Variants in CDH18 observed in about 807,000 individuals in gnomAD.
CDH18 encodes the protein cadherin-18.
Under a neutral mutation model 67.9 loss-of-function variants are expected in CDH18, and 31 were observed. The observed-to-expected ratio is 0.46, with a 90% CI of 0.34 to 0.62. The LOEUF is 0.62. CDH18 is among the 20% of genes least tolerant of loss of function. CDH18 has a pLI of 0.01. For missense variants in CDH18, 890 were observed against 975.5 expected (o/e 0.91, Z 1.17); for synonymous variants, 362 against 347.2 (o/e 1.04, Z -0.48).
At chr5:20,548,669 T>C (rs951599209) in intron 1 of CDH18, among the ~76,000 whole-genome samples, 1 of 152,206 alleles carries the variant, frequency 6.6e-6, no homozygotes, top group Non-Finnish European at 1.5e-5. Flanking sequence ...TAATAATCTC[T>C]ATTTATGACT....
intron 11 of CDH18, among the ~76,000 whole-genome samples, chr5:19,496,769 ACCACTGCATT>A (rs1297065150): frequency 7.2e-6 from 1 of 138,902 alleles, no homozygotes; most frequent in Admixed American, 8.1e-5. Flanking sequence ...CTGAGATTGC[ACCACTGCATT>A]CCAGCTTAGG....
At chr5:19,682,283 T>C (rs1019973338) in intron 5 of CDH18, among the ~76,000 whole-genome samples, 1 of 152,072 alleles carries the variant, frequency 6.6e-6, no homozygotes, top group Non-Finnish European at 1.5e-5. Flanking sequence ...ATCAGCATCA[T>C]TTATCATCTT....
intron 2 of CDH18, among the ~76,000 whole-genome samples, chr5:19,886,903 C>T (rs1386897948): frequency 6.6e-6 from 1 of 152,058 alleles, no homozygotes; most frequent in African/African-American, 2.4e-5. Flanking sequence ...TCGGATGTAT[C>T]CATTTCATAA....
chr5:19,902,953 T>G (rs1302349971), intron 2 of CDH18, among the ~76,000 whole-genome samples: 1 of 152,144 alleles, frequency 6.6e-6, no homozygotes, highest in Non-Finnish European at 1.5e-5. Context: ...GTCTTATGAC[T>G]TTTTACTATC....
upstream of CDH18, among the ~76,000 whole-genome samples, chr5:19,989,794 TAAAC>T (rs1799879315): frequency 6.6e-6 from 1 of 152,172 alleles, no homozygotes; most frequent in Admixed American, 6.5e-5. Flanking sequence ...TCGGAAAGAC[TAAAC>T]AAACCAACAG....
intron 2 of CDH18, among the ~76,000 whole-genome samples, chr5:20,186,819 G>T (rs1399933693): frequency 6.6e-6 from 1 of 151,716 alleles, no homozygotes; most frequent in Non-Finnish European, 1.5e-5. Flanking sequence ...ATAGAAACAA[G>T]TACTTAAACA....
Position 20,295,696 on chromosome 5 carries a change from T to C in CDH18, c.-579-40191A>G, listed in dbSNP as rs932051631. 9.3e-5 allele frequency among the ~76,000 whole-genome samples: 14 copies of C among 151,248 alleles called. No homozygotes were observed. The South Asian group carries it at 1.7e-3, about 18-fold the overall frequency. On this transcript the variant is annotated intron_variant, in intron 1 of 14. Transcript: ENST00000507958. Reference sequence around the variant, plus strand: ...GAGCCAAGGTTGTGCCACTGCACTCTAGCCTCGGCGACAGGTCGAGACTCT... The same window carrying C: ...GAGCCAAGGTTGTGCCACTGCACTCCAGCCTCGGCGACAGGTCGAGACTCT...
At chr5:19,769,771 T>C (rs1773522346) in intron 3 of CDH18, among the ~76,000 whole-genome samples, 2 of 151,894 alleles carry the variant, frequency 1.3e-5, no homozygotes, top group Admixed American at 1.3e-4. Context: ...ACTGTTGTGC[T>C]TCAAAATGTG....
intron 2 of CDH18, among the ~76,000 whole-genome samples, chr5:20,098,380 A>G (rs1423198239): frequency 6.6e-6 from 1 of 152,096 alleles, no homozygotes; most frequent in South Asian, 2.1e-4. Context: ...AATAATTACC[A>G]CAATCAAAAT....
intron 3 of CDH18, among the ~76,000 whole-genome samples, chr5:19,829,813 A>G (rs1780817801): frequency 6.6e-6 from 1 of 152,222 alleles, no homozygotes; most frequent in African/African-American, 2.4e-5. Context: ...TAACCAAAAC[A>G]ACATGGTACA....
chr5:19,850,379 C>T (rs10041937), intron 2 of CDH18, among the ~76,000 whole-genome samples: 132,305 of 151,804 alleles, frequency 0.87, 57,953 homozygotes, highest in Non-Finnish European at 0.92. Context: ...TGCATGATTA[C>T]AATCAACTAC....
intron 5 of CDH18, among the ~76,000 whole-genome samples, chr5:19,648,181 G>A (rs189505838): frequency 2.0e-5 from 3 of 150,664 alleles, no homozygotes; most frequent in Admixed American, 6.6e-5. Flanking sequence ...TTGGGAGGCT[G>A]AGGCAGATGG....
At chr5:20,097,963 A>C (rs1746130427) in intron 2 of CDH18, among the ~76,000 whole-genome samples, 1 of 151,972 alleles carries the variant, frequency 6.6e-6, no homozygotes, top group Admixed American at 6.6e-5. Flanking sequence ...ACCTGGTTTT[A>C]TATCTTTCGA....
intron 2 of CDH18, among the ~76,000 whole-genome samples, chr5:20,151,855 A>G (rs947692434): frequency 1.3e-5 from 2 of 151,908 alleles, no homozygotes; most frequent in Non-Finnish European, 2.9e-5. Context: ...TGGAAATATA[A>G]TGTATCACAT....
At chr5:20,532,925 C>G (rs1382965622) in intron 1 of CDH18, among the ~76,000 whole-genome samples, 1 of 151,630 alleles carries the variant, frequency 6.6e-6, no homozygotes, top group Admixed American at 6.6e-5. Context: ...CTGAAACTCC[C>G]TCGTACAGTT....
chr5:19,618,425 T>C (rs1229931438), intron 5 of CDH18, among the ~76,000 whole-genome samples: 1 of 152,076 alleles, frequency 6.6e-6, no homozygotes, highest in Non-Finnish European at 1.5e-5. Flanking sequence ...AGGCTGGTCT[T>C]GAACACCTGG....
intron 2 of CDH18, among the ~76,000 whole-genome samples, chr5:20,143,095 A>G (rs2126533020): frequency 6.6e-6 from 1 of 152,340 alleles, no homozygotes; most frequent in South Asian, 2.1e-4. Context: ...TGGACATTAG[A>G]GGCAATTCTA....
In CDH18 at chr5:19,520,757, T is replaced by A; in HGVS notation, c.1412A>T (p.His471Leu). Residue 471 changes from histidine to leucine, a missense_variant, in exon 10 of 13, where the codon CAT becomes CTT. This residue lies in a region of CDH18 where 656 missense variants were observed against 668.1 expected (regional missense o/e 0.98). Coordinates refer to ENST00000382275, the MANE Select transcript of CDH18 (RefSeq NM_004934.5). Reference protein sequence around the residue: ...SEIDNPDLLSHVTVGIRVLDV... With the variant: ...SEIDNPDLLSLVTVGIRVLDV... ...CAGAACTCTAATACCCACTGTGACA[T>A]GGCTCAGCAAATCAGGATTATCTGC... 1 of 1,613,260 alleles carries A rather than the reference T, an allele frequency of 6.2e-7. No homozygotes were observed. The highest frequency in any genetic ancestry group is 8.5e-7 in the Non-Finnish European group (1 of 1,179,544).
intron 2 of CDH18, among the ~76,000 whole-genome samples, chr5:20,145,017 G>A (rs1750530615): frequency 6.6e-6 from 1 of 152,066 alleles, no homozygotes; most frequent in Non-Finnish European, 1.5e-5. Context: ...CATGATCTTT[G>A]ACTTCTAGCC....
Sources: allele counts gnomAD v4.1 joint callset (sites outside exome capture counted in the v4.1 genomes callset), GRCh38; gene constraint gnomAD v4.1.1; regional missense constraint gnomAD v4.1.1; transcripts MANE v1.5; gene names NCBI Gene and HGNC (gene_info 2026-07-23, HGNC 2026-07-21).